Variants in YEATS2 observed in about 807,000 individuals in gnomAD.
The protein encoded by YEATS2 is YEATS domain-containing protein 2.
A neutral mutation model predicts 163.2 loss-of-function variants in YEATS2; 77 were observed. The observed-to-expected ratio is 0.47, with a 90% CI of 0.39 to 0.57. The LOEUF is 0.57. Among genes scored for constraint, YEATS2 ranks in the 20% least tolerant of loss-of-function variants. The probability of loss-of-function intolerance (pLI) is 0.00; values close to 1 mark genes in which losing one functional copy is unlikely to be tolerated. For synonymous variants in YEATS2, 631 were observed against 645.1 expected (o/e 0.98, Z 0.33); for missense variants, 1,549 against 1,729.8 (o/e 0.90, Z 1.85).
rs199646917 is a variant in YEATS2, at chr3:183,790,979, C to T, written c.3096C>T (p.Ser1032=). Residue 1032 remains serine (S), a splice_region_variant and synonymous_variant, in exon 21 of 31, where the codon TCC becomes TCT. Coordinates refer to ENST00000305135, the MANE Select transcript of YEATS2 (RefSeq NM_018023.5). ...PNPISGKATV[S]GLLKIHSSQS... is the part of the protein sequence containing the mutation. ...CCATCTCTGGGAAAGCCACAGTATCCGGTGAGTTGCATTGTGATATTATTT... is the reference window on the plus strand; with the variant it reads ...CCATCTCTGGGAAAGCCACAGTATCTGGTGAGTTGCATTGTGATATTATTT... 47 of 1,612,098 alleles carry T rather than the reference C, an allele frequency of 2.9e-5. No individual in the cohort carries two copies. In the Middle Eastern group the frequency reaches 8.2e-4, roughly 28 times the overall value.
intron 1 of YEATS2, among the ~76,000 whole-genome samples, chr3:183,714,330 G>A (rs183386575): frequency 7.7e-4 from 116 of 151,534 alleles, no homozygotes; most frequent in Non-Finnish European, 1.1e-3. Flanking sequence ...CGAGTAGCTG[G>A]GACTACAGGT....
chr3:183,729,386 C>T (rs1717474010), intron 7 of YEATS2, among the ~76,000 whole-genome samples: 1 of 152,016 alleles, frequency 6.6e-6, no homozygotes, highest in Admixed American at 6.6e-5. Flanking sequence ...GTTTTGCTCC[C>T]CTCTGGAAAC....
At position 183,747,711 on chromosome 3, in the gene YEATS2, G is replaced by GA. The variant is rs1386457515; in HGVS notation, c.965dup (p.Thr323AspfsTer6). 6.2e-7 allele frequency: 1 copy of GA among 1,612,688 alleles called. No homozygotes were observed. Among genetic ancestry groups the GA allele is most frequent in the Non-Finnish European group, 8.5e-7 (1 of 1,179,134 alleles). ...TACTGGCTTGCAGACTCTTGGAGCA[G>GA]AGACGGTAGGTTTTTTTCCTACAGT... On this transcript the variant is annotated frameshift_variant, in exon 9 of 31. Coordinates refer to ENST00000305135, the MANE Select transcript of YEATS2 (RefSeq NM_018023.5). LOFTEE classifies it high-confidence loss of function.
At chr3:183,799,026 T>C (rs548017040) in intron 23 of YEATS2, 37 bp downstream of exon 23, 1 of 1,521,224 alleles carries the variant, frequency 6.6e-7, no homozygotes, top group South Asian at 1.1e-5. Flanking sequence ...TCCAGAAGTT[T>C]TGTTACTTTT....
At chr3:183,765,284 G>A (rs1420992042) in intron 15 of YEATS2, among the ~76,000 whole-genome samples, 1 of 152,180 alleles carries the variant, frequency 6.6e-6, no homozygotes, top group African/African-American at 2.4e-5. Flanking sequence ...AATCAACTTA[G>A]CATTGCTGTT....
intron 9 of YEATS2, among the ~76,000 whole-genome samples, chr3:183,750,087 G>T (rs866872701): frequency 7.2e-5 from 11 of 151,886 alleles, no homozygotes; most frequent in Non-Finnish European, 1.0e-4. Context: ...GCCTCCCAAA[G>T]TGCTGGGATT....
Position 183,798,190 on chromosome 3 carries a change from T to A in YEATS2, c.3226+139T>A, listed in dbSNP as rs1001247878. 4.6e-6 allele frequency: 6 copies of A among 1,295,750 alleles called. No individual in the cohort carries two copies. The African/African-American group carries it at 8.9e-5, about 19-fold the overall frequency. The allele number at this position is 1,295,750 out of a possible 1,614,324, so 80.3% of individuals were successfully genotyped here. A position where few individuals can be genotyped will look rare whatever the true frequency, so the allele number is the denominator to read the frequency against. ...TCCCAGCGCCTGTGTACAGCCACCCTTCAGCTGTCATGGTATTCCCAGCGC... is the reference window on the plus strand; with the variant it reads ...TCCCAGCGCCTGTGTACAGCCACCCATCAGCTGTCATGGTATTCCCAGCGC... On this transcript the variant is annotated intron_variant, in intron 22 of 30. Coordinates refer to ENST00000305135, the MANE Select transcript of YEATS2 (RefSeq NM_018023.5).
chr3:183,698,837 G>C (rs973547286), intron 1 of YEATS2, among the ~76,000 whole-genome samples: 2 of 152,144 alleles, frequency 1.3e-5, no homozygotes, highest in Non-Finnish European at 2.9e-5. Flanking sequence ...AGGGTATTCA[G>C]CGTAGAAAAA....
chr3:183,724,672 T>TC (rs1450102818), intron 6 of YEATS2, 141 bp downstream of exon 6: 2 of 594,306 alleles, frequency 3.4e-6, no homozygotes, highest in Non-Finnish European at 5.5e-6. Flanking sequence ...TAAACCACAG[T>TC]CTAGAGACTT....
intron 15 of YEATS2, among the ~76,000 whole-genome samples, chr3:183,763,103 T>C (rs1472841356): frequency 6.6e-6 from 1 of 152,048 alleles, no homozygotes; most frequent in Non-Finnish European, 1.5e-5. Context: ...AGAGCCATGT[T>C]TTCCTGAATC....
intron 13 of YEATS2, among the ~76,000 whole-genome samples, chr3:183,760,697 G>A (rs1456585411): frequency 6.6e-6 from 1 of 151,986 alleles, no homozygotes; most frequent in Non-Finnish European, 1.5e-5. Flanking sequence ...TTGTTTGTTT[G>A]CTTGTTTTTT....
intron 5 of YEATS2, among the ~76,000 whole-genome samples, chr3:183,722,714 G>A (rs572073483): frequency 9.2e-5 from 14 of 152,156 alleles, no homozygotes; most frequent in Non-Finnish European, 1.6e-4. Context: ...GTGCAGTGGC[G>A]CAATCTCGGC....
intron 1 of YEATS2, among the ~76,000 whole-genome samples, chr3:183,699,924 G>C (rs566132469): frequency 6.6e-6 from 1 of 152,114 alleles, no homozygotes; most frequent in Non-Finnish European, 1.5e-5. Context: ...GGTGGGAACC[G>C]GATGTGAGGA....
At chr3:183,775,352 C>A (rs1212467062) in intron 17 of YEATS2, among the ~76,000 whole-genome samples, 2 of 152,192 alleles carry the variant, frequency 1.3e-5, no homozygotes, top group Admixed American at 6.5e-5. Flanking sequence ...AATCCCAGCA[C>A]TTTGGAGGGC....
intron 11 of YEATS2, among the ~76,000 whole-genome samples, chr3:183,756,246 T>TA (rs1333907230): frequency 6.6e-6 from 1 of 152,222 alleles, no homozygotes; most frequent in African/African-American, 2.4e-5. Context: ...GATTTATGTT[T>TA]AGTAGGTCAA....
At chr3:183,699,907 A>AG (rs1713880068) in intron 1 of YEATS2, among the ~76,000 whole-genome samples, 1 of 152,172 alleles carries the variant, frequency 6.6e-6, no homozygotes, top group Non-Finnish European at 1.5e-5. Flanking sequence ...TAGTTCTGGA[A>AG]GTGGGAGGTG....
At chr3:183,715,118 A>T in intron 1 of YEATS2, 26 bp from the exon 2 acceptor site, 1 of 1,448,130 alleles carries the variant, frequency 6.9e-7, no homozygotes, top group South Asian at 1.2e-5. Flanking sequence ...ATAATTAAAA[A>T]TTATTAATTT....
chr3:183,794,255 T>C (rs377407656), intron 21 of YEATS2, among the ~76,000 whole-genome samples: 2 of 152,046 alleles, frequency 1.3e-5, no homozygotes, highest in African/African-American at 4.8e-5. Flanking sequence ...AGAAAGAAAA[T>C]TTGATGATGT....
chr3:183,760,117 G>A (rs1409560444), intron 13 of YEATS2, among the ~76,000 whole-genome samples: 1 of 152,134 alleles, frequency 6.6e-6, no homozygotes, highest in African/African-American at 2.4e-5. Flanking sequence ...TCTAAGTTCT[G>A]TGCAGTGTGT....
Sources: gnomAD v4.1 joint callset for allele counts (sites outside exome capture counted in the v4.1 genomes callset) on GRCh38, gnomAD v4.1.1 for gene constraint, MANE v1.5 for transcripts, NCBI Gene and HGNC (gene_info 2026-07-23, HGNC 2026-07-21) for gene names.